The following NKD1 variants were observed in gnomAD, a reference collection of about 807,000 sequenced individuals.
NKD1 encodes the protein protein naked cuticle homolog 1.
In NKD1, 21 loss-of-function variants were observed where a neutral mutation model predicts 56.0. That is an observed-to-expected ratio of 0.38 (90% CI 0.27 to 0.54). NKD1 has a LOEUF of 0.54. Ranked by LOEUF, NKD1 falls within the 20% of genes least tolerant of loss-of-function variation. The probability of loss-of-function intolerance (pLI) is 0.82; values close to 1 mark genes in which losing one functional copy is unlikely to be tolerated. For missense variants in NKD1, 578 were observed against 642.7 expected (o/e 0.90, Z 1.09); for synonymous variants, 263 against 265.7 (o/e 0.99, Z 0.10).
At chr16:50,555,732 G>T (rs770463465) in intron 3 of NKD1, 1 of 152,210 alleles carries the variant, frequency 6.6e-6, no homozygotes, top group Non-Finnish European at 1.5e-5. Context: ...GCAGCCCCCC[G>T]GTACTGGTGA....
chr16:50,566,109 G>A (rs1960753052), intron 3 of NKD1: 3 of 977,882 alleles, frequency 3.1e-6, no homozygotes, highest in Admixed American at 6.2e-5. Context: ...GAGGAGGAAA[G>A]CAGCTTCAGG....
chr16:50,548,893 G>A (rs1960302766), intron 2 of NKD1, 144 bp downstream of exon 2: 2 of 1,138,246 alleles, frequency 1.8e-6, no homozygotes, highest in Non-Finnish European at 2.3e-6. Context: ...CCCGCTCCCT[G>A]AGCAGCCTTC....
At chr16:50,566,140 G>C in intron 3 of NKD1, 2 of 985,194 alleles carry the variant, frequency 2.0e-6, no homozygotes, top group Non-Finnish European at 2.4e-6. Flanking sequence ...GGTTAAGTAG[G>C]TGTGAACTTT....
At chr16:50,576,176 T>A (rs1960990245) in intron 3 of NKD1, among the ~76,000 whole-genome samples, 1 of 152,210 alleles carries the variant, frequency 6.6e-6, no homozygotes, top group Admixed American at 6.5e-5. Flanking sequence ...CTTACTCTCC[T>A]GAGGGTCCCA....
At chr16:50,570,394 C>G (rs1191345219) in intron 3 of NKD1, among the ~76,000 whole-genome samples, 1 of 151,974 alleles carries the variant, frequency 6.6e-6, no homozygotes, top group African/African-American at 2.4e-5. Context: ...CCACAGAATA[C>G]CTGTGATATT....
At chr16:50,618,415 C>T (rs1962011214) in intron 4 of NKD1, among the ~76,000 whole-genome samples, 1 of 152,164 alleles carries the variant, frequency 6.6e-6, no homozygotes. Flanking sequence ...GAGCACCAGT[C>T]CGCCTCTCCC....
intron 6 of NKD1, 150 bp from the exon 7 acceptor site, chr16:50,630,036 C>G: frequency 1.6e-6 from 1 of 633,646 alleles, no homozygotes; most frequent in Non-Finnish European, 2.7e-6. Context: ...TCCTCCCAAA[C>G]GAACCTCAGA....
At chr16:50,556,931 A>G (rs1010112106) in intron 3 of NKD1, 2 of 152,062 alleles carry the variant, frequency 1.3e-5, no homozygotes, top group East Asian at 3.9e-4. Context: ...GGTTTGTTCT[A>G]CAGGTAAATT....
chr16:50,632,559 G>A lies in NKD1; in HGVS notation c.823+151G>A, dbSNP rs567949026. The A allele has an allele frequency of 1.4e-4, 105 of 726,172 alleles. No homozygotes were observed. The highest frequency in any genetic ancestry group is 1.3e-3 in the South Asian group (67 of 52,672). 45.0% of individuals were successfully genotyped at this position (726,172 alleles called of 1,614,324 possible). A position where few individuals can be genotyped will look rare whatever the true frequency, so the allele number is the denominator to read the frequency against. On this transcript the variant is annotated intron_variant, in intron 9 of 9. Transcript: ENST00000268459. This position sits in a 1 kb window ranked among gnomAD's most constrained non-coding sequence, Gnocchi z 4.1. ...TCAAAGACTTCTTGGAGAAAGTGAC[G>A]TTAAAAATGGTTTCAAAATTAAAGT...
In NKD1 at chr16:50,634,054, G is replaced by C. The variant is rs559781482; in HGVS notation, c.*273G>C. On this transcript the variant is annotated 3_prime_UTR_variant, in exon 10 of 10. Transcript: ENST00000268459. ...GGGCAGAGGCTCCCTCGGGGCTCGG[G>C]ATCTGCAGCATCTATGTGGATCAGC... 6.3e-6 allele frequency: 2 copies of C among 317,474 alleles called. No homozygotes were observed. 19.7% of individuals were successfully genotyped at this position (317,474 alleles called of 1,614,324 possible).
chr16:50,564,911 C>G (rs1484755223), intron 3 of NKD1, among the ~76,000 whole-genome samples: 1 of 152,170 alleles, frequency 6.6e-6, no homozygotes, highest in Non-Finnish European at 1.5e-5. Flanking sequence ...CCCAGCTTCC[C>G]CCTTTGGAGG....
In NKD1 at chr16:50,634,784, T is replaced by C. The variant is rs1962432042; in HGVS notation, c.*1003T>C. The C allele has an allele frequency of 6.6e-6, 1 of 152,394 alleles. No homozygotes were observed. Among genetic ancestry groups the C allele is most frequent in the Non-Finnish European group, 1.5e-5 (1 of 68,056 alleles). The allele number at this position is 152,394 out of a possible 1,614,324, so 9.4% of individuals were successfully genotyped here. A position where few individuals can be genotyped will look rare whatever the true frequency, so the allele number is the denominator to read the frequency against. On this transcript the variant is annotated 3_prime_UTR_variant, in exon 10 of 10. Coordinates refer to ENST00000268459, the MANE Select transcript of NKD1 (RefSeq NM_033119.5). ...TCCCTGGATGCTTCTGGAACCCAGA[T>C]GTGACCCTGCTTGTCTCCTTTTGGG... is the stretch of plus-strand genomic sequence containing the variant.
intron 3 of NKD1, among the ~76,000 whole-genome samples, chr16:50,601,311 C>T (rs74017739): frequency 0.018 from 2,683 of 151,936 alleles, 88 homozygotes; most frequent in African/African-American, 0.061. Flanking sequence ...TTGCAAGTAA[C>T]GGAAACCCAA....
At chr16:50,605,897 G>C (rs1961695668) in intron 3 of NKD1, among the ~76,000 whole-genome samples, 1 of 152,136 alleles carries the variant, frequency 6.6e-6, no homozygotes, top group Non-Finnish European at 1.5e-5. Flanking sequence ...TTACAAATAA[G>C]TAGGCTGAGG....
rs983215189 is a variant in NKD1 at position 50,635,297 on chromosome 16, T to C, written c.*1516T>C. 3.3e-5 allele frequency: 5 copies of C among 152,296 alleles called. No homozygotes were observed. The highest frequency in any genetic ancestry group is 1.3e-4 in the Admixed American group (2 of 15,288). 9.4% of individuals were successfully genotyped at this position (152,296 alleles called of 1,614,324 possible). A position where few individuals can be genotyped will look rare whatever the true frequency, so the allele number is the denominator to read the frequency against. ...TGGGGACCCTCCAGGGAAATTAATA[T>C]CCTGACCTGCTTTCCTGCCCCCCAG... On this transcript the variant is annotated 3_prime_UTR_variant, in exon 10 of 10. Coordinates refer to ENST00000268459, the MANE Select transcript of NKD1 (RefSeq NM_033119.5). This position sits in a 1 kb window ranked among gnomAD's most constrained non-coding sequence, Gnocchi z 4.1.
chr16:50,566,713 GGTA>G (rs1960766337), intron 3 of NKD1, among the ~76,000 whole-genome samples: 1 of 152,240 alleles, frequency 6.6e-6, no homozygotes, highest in African/African-American at 2.4e-5. Context: ...AGGGCAGCTA[GGTA>G]GCTGACCATT....
At chr16:50,596,713 A>C (rs1165538946) in intron 3 of NKD1, among the ~76,000 whole-genome samples, 1 of 152,248 alleles carries the variant, frequency 6.6e-6, no homozygotes, top group Non-Finnish European at 1.5e-5. Flanking sequence ...GCGTTGATAC[A>C]TAATGTGTCA....
intron 3 of NKD1, among the ~76,000 whole-genome samples, chr16:50,578,630 T>C (rs1854689653): frequency 6.6e-6 from 1 of 152,228 alleles, no homozygotes; most frequent in Non-Finnish European, 1.5e-5. Context: ...CCACACTGTG[T>C]ACATTTCTCA....
intron 4 of NKD1, among the ~76,000 whole-genome samples, chr16:50,610,590 A>G (rs1961823373): frequency 6.6e-6 from 1 of 152,190 alleles, no homozygotes; most frequent in South Asian, 2.1e-4. Flanking sequence ...CGAGTCCTGA[A>G]TCTCTTCTTT....
Sources: allele counts gnomAD v4.1 joint callset (sites outside exome capture counted in the v4.1 genomes callset), GRCh38; gene constraint gnomAD v4.1.1; non-coding constraint Gnocchi (gnomAD v3.1); transcripts MANE v1.5; gene names NCBI Gene and HGNC (gene_info 2026-07-23, HGNC 2026-07-21).